Variants in C10orf90 observed in about 807,000 individuals in gnomAD.
The protein encoded by C10orf90 is chromosome 10 open reading frame 90, also known as (E2-independent) E3 ubiquitin-conjugating enzyme FATS.
C10orf90 carries 56 observed loss-of-function variants against 62.5 expected under a neutral mutation model. The observed-to-expected ratio is 0.90, with a 90% confidence interval of 0.72 to 1.12. C10orf90 has a LOEUF of 1.12. Among genes scored for constraint, C10orf90 ranks in the 50% most tolerant of loss-of-function variants. The pLI is 0.00. For missense variants in C10orf90, 970 were observed against 880.4 expected (o/e 1.10, Z -1.29); for synonymous variants, 386 against 340.4 (o/e 1.13, Z -1.47).
chr10:126,649,626 C>G (rs986865735), intron 1 of C10orf90, among the ~76,000 whole-genome samples: 4 of 152,198 alleles, frequency 2.6e-5, no homozygotes, highest in Admixed American at 6.5e-5. Context: ...GATTCATAAG[C>G]TCCTGCAGAA....
At chr10:126,437,130 G>A (rs141716779) in intron 7 of C10orf90, among the ~76,000 whole-genome samples, 1 of 152,116 alleles carries the variant, frequency 6.6e-6, no homozygotes, top group South Asian at 2.1e-4. Flanking sequence ...CTCTTTACAG[G>A]GGTTTTGTGT....
chr10:126,435,860 A>T (rs1193187789), intron 7 of C10orf90, among the ~76,000 whole-genome samples: 1 of 152,082 alleles, frequency 6.6e-6, no homozygotes, highest in Non-Finnish European at 1.5e-5. Context: ...GTGGCACATG[A>T]ACTCCTGGAA....
intron 4 of C10orf90, among the ~76,000 whole-genome samples, chr10:126,490,248 C>T (rs1377026610): frequency 1.3e-5 from 2 of 150,076 alleles, no homozygotes; most frequent in African/African-American, 4.9e-5. Flanking sequence ...ACCCTGAGGA[C>T]ATTAAGTAAA....
chr10:126,465,419 A>G (rs1487747007), intron 4 of C10orf90, among the ~76,000 whole-genome samples: 2 of 150,972 alleles, frequency 1.3e-5, no homozygotes, highest in Non-Finnish European at 2.9e-5. Flanking sequence ...TATATAATTT[A>G]TATGATTATA....
At chr10:126,615,011 G>C (rs1348593367) in intron 2 of C10orf90, among the ~76,000 whole-genome samples, 2 of 152,152 alleles carry the variant, frequency 1.3e-5, no homozygotes, top group African/African-American at 4.8e-5. Context: ...CTTGACTGAG[G>C]CTAGATGGTT....
intron 8 of C10orf90, among the ~76,000 whole-genome samples, chr10:126,427,651 G>A (rs754593456): frequency 3.9e-5 from 6 of 152,090 alleles, no homozygotes; most frequent in African/African-American, 9.7e-5. Flanking sequence ...TCCTCCTCCC[G>A]CCCCTCCTGC....
chr10:126,560,058 G>A (rs1028552652), intron 2 of C10orf90, among the ~76,000 whole-genome samples: 1 of 152,090 alleles, frequency 6.6e-6, no homozygotes, highest in African/African-American at 2.4e-5. Context: ...GCTGCCTGAA[G>A]GTTATACATT....
chr10:126,491,461 G>GA (rs958922091), intron 4 of C10orf90, among the ~76,000 whole-genome samples: 39 of 151,082 alleles, frequency 2.6e-4, no homozygotes, highest in East Asian at 1.9e-3. Flanking sequence ...AATGTAAAAG[G>GA]AAAAAAAACA....
chr10:126,626,405 T>C (rs1008150592), intron 2 of C10orf90, among the ~76,000 whole-genome samples: 29 of 152,180 alleles, frequency 1.9e-4, no homozygotes, highest in African/African-American at 6.7e-4. Context: ...GGGAAAGACG[T>C]CGCCTGGCTG....
chr10:126,662,787 G>A (rs192038430), intron 1 of C10orf90, among the ~76,000 whole-genome samples: 408 of 141,316 alleles, frequency 2.9e-3, no homozygotes, highest in Non-Finnish European at 4.7e-3. Context: ...ATTGGGATGG[G>A]TGCCTCCGTG....
chr10:126,642,121 A>G (rs1470313912), intron 2 of C10orf90, among the ~76,000 whole-genome samples: 2 of 152,188 alleles, frequency 1.3e-5, no homozygotes, highest in Non-Finnish European at 2.9e-5. Context: ...CATAAAGATC[A>G]CAGCATCCAA....
intron 7 of C10orf90, among the ~76,000 whole-genome samples, chr10:126,450,822 A>G (rs1017712332): frequency 6.6e-6 from 1 of 152,208 alleles, no homozygotes; most frequent in Non-Finnish European, 1.5e-5. Flanking sequence ...ACAGGCAACA[A>G]CACCAAAAAC....
chr10:126,457,637 C>G lies in C10orf90; in HGVS notation c.2188+1403G>C, dbSNP rs559319915. On this transcript the variant is annotated intron_variant, in intron 7 of 9. Transcript: ENST00000488181. ...TGCCTACCACAAATTTGGTAACTAA[C>G]CATGCTCTCAAGTAGCATCTTCAGA... Among the ~76,000 whole-genome samples the G allele has an allele frequency of 6.6e-5, 10 of 152,260 alleles. No individual in the cohort carries two copies. In the South Asian group the frequency reaches 2.1e-3, roughly 32 times the overall value.
chr10:126,534,921 C>A (rs1237003876), intron 2 of C10orf90, among the ~76,000 whole-genome samples: 2 of 152,192 alleles, frequency 1.3e-5, no homozygotes, highest in Non-Finnish European at 2.9e-5. Flanking sequence ...CACCCGCCTC[C>A]TGGCAGCAGT....
chr10:126,479,975 T>A (rs1321730436), intron 4 of C10orf90, among the ~76,000 whole-genome samples: 1 of 152,230 alleles, frequency 6.6e-6, no homozygotes, highest in African/African-American at 2.4e-5. Flanking sequence ...TTTTTATCCC[T>A]TGAAAAATAT....
At chr10:126,600,000 C>A (rs1845165088) in intron 2 of C10orf90, among the ~76,000 whole-genome samples, 1 of 152,226 alleles carries the variant, frequency 6.6e-6, no homozygotes, top group South Asian at 2.1e-4. Context: ...TTTCCCCCAA[C>A]AATTTTCTTA....
At chr10:126,559,343 A>T (rs1018111057) in intron 2 of C10orf90, among the ~76,000 whole-genome samples, 3 of 152,226 alleles carry the variant, frequency 2.0e-5, no homozygotes, top group African/African-American at 4.8e-5. Context: ...GTTTCTCCTT[A>T]CATCAGCGGG....
chr10:126,469,252 A>G (rs1475210571), intron 4 of C10orf90, among the ~76,000 whole-genome samples: 5 of 152,224 alleles, frequency 3.3e-5, no homozygotes, highest in African/African-American at 1.2e-4. Flanking sequence ...ATTAGTTTAA[A>G]TTGTGTTAAA....
chr10:126,491,072 TAGCATTC>T (rs1861745680), intron 4 of C10orf90, among the ~76,000 whole-genome samples: 1 of 152,218 alleles, frequency 6.6e-6, no homozygotes, highest in African/African-American at 2.4e-5. Flanking sequence ...TCATTTATAC[TAGCATTC>T]AGAATATAAA....
Sources: allele counts gnomAD v4.1 joint callset (sites outside exome capture counted in the v4.1 genomes callset), GRCh38; gene constraint gnomAD v4.1.1; transcripts MANE v1.5; gene names NCBI Gene and HGNC (gene_info 2026-07-23, HGNC 2026-07-21).